The following GALNTL6 variants were observed in gnomAD, a reference collection of about 807,000 sequenced individuals.
The protein encoded by GALNTL6 is polypeptide N-acetylgalactosaminyltransferase like 6, also known as polypeptide N-acetylgalactosaminyltransferase-like 6.
A neutral mutation model predicts 73.7 loss-of-function variants in GALNTL6; 46 were observed. The ratio of observed to expected loss-of-function variants is 0.62; its 90% CI spans 0.49 to 0.80. The LOEUF (loss-of-function observed/expected upper bound fraction) is 0.80. Ranked by LOEUF, GALNTL6 falls within the 30% of genes least tolerant of loss-of-function variation. The pLI is 0.00. For missense variants in GALNTL6, 604 were observed against 755.0 expected (o/e 0.80, Z 2.34); for synonymous variants, 259 against 263.7 (o/e 0.98, Z 0.17).
intron 5 of GALNTL6, among the ~76,000 whole-genome samples, chr4:172,484,570 T>C (rs12330963): frequency 6.6e-5 from 10 of 152,168 alleles, no homozygotes; most frequent in African/African-American, 2.4e-4. Context: ...TGCTGAATAA[T>C]TGACACTGAT....
chr4:171,868,114 G>A (rs1736021117), intron 2 of GALNTL6, among the ~76,000 whole-genome samples: 1 of 151,490 alleles, frequency 6.6e-6, no homozygotes, highest in South Asian at 2.1e-4. Context: ...AGCCTCCTGA[G>A]TAGCTGGGAC....
intron 10 of GALNTL6, among the ~76,000 whole-genome samples, chr4:172,986,692 G>T (rs1751303483): frequency 6.6e-6 from 1 of 152,198 alleles, no homozygotes; most frequent in African/African-American, 2.4e-5. Context: ...AGTGATGAAG[G>T]TAAACAGATT....
At chr4:171,885,418 A>AT (rs1156256142) in intron 2 of GALNTL6, among the ~76,000 whole-genome samples, 1 of 152,152 alleles carries the variant, frequency 6.6e-6, no homozygotes, top group Non-Finnish European at 1.5e-5. Flanking sequence ...ATACAAATTC[A>AT]TTTGGGGGAC....
chr4:171,999,276 T>C lies in GALNTL6; in HGVS notation c.138+184558T>C, dbSNP rs527246525. ...TTTGAGGGCTAACACCATAATGACC[T>C]CTACAATTGCCTATGAAAAAGAAAT... is the stretch of plus-strand genomic sequence containing the variant. On this transcript the variant is annotated intron_variant, in intron 2 of 12. Transcript: ENST00000506823. 3.2e-4 allele frequency among the ~76,000 whole-genome samples: 49 copies of C among 152,300 alleles called. No individual in the cohort carries two copies. The South Asian group carries it at 9.5e-3, about 30-fold the overall frequency.
At chr4:172,073,769 C>T (rs1237741178) in intron 2 of GALNTL6, among the ~76,000 whole-genome samples, 2 of 152,186 alleles carry the variant, frequency 1.3e-5, no homozygotes, top group African/African-American at 4.8e-5. Context: ...CACTACAGTT[C>T]TCAACTACAA....
rs1466953930 is a variant in GALNTL6 at position 172,952,171 on chromosome 4, G to T, written c.1284G>T (p.Lys428Asn). ...QKELRKQLKC[K>N]DFKWFMAAVA... ...AGCTGCGCAAGCAGCTCAAGTGCAA[G>T]GACTTCAAATGGTTCATGGCTGCTG... The change falls in exon 10 of 13, where the codon AAG (lysine) becomes AAT (asparagine). Residue 428 changes from lysine to asparagine, a missense_variant. Physicochemically the swap from Lys to Asn is moderately conservative, Grantham distance 94. Around this residue, in one of 5 missense-constraint regions of GALNTL6, gnomAD observed 261 missense variants for 296.5 expected, o/e 0.88. Coordinates refer to ENST00000506823, the MANE Select transcript of GALNTL6 (RefSeq NM_001034845.3). 3 of 1,613,974 alleles carry T rather than the reference G, an allele frequency of 1.9e-6. No homozygotes were observed. Among genetic ancestry groups the T allele is most frequent in the African/African-American group, 1.3e-5 (1 of 74,892 alleles).
chr4:172,936,163 G>T (rs1748607933), intron 9 of GALNTL6, among the ~76,000 whole-genome samples: 1 of 152,142 alleles, frequency 6.6e-6, no homozygotes, highest in African/African-American at 2.4e-5. Context: ...CACATAAGCA[G>T]AACCAACGAC....
At chr4:172,871,982 G>A (rs1466679540) in intron 7 of GALNTL6, among the ~76,000 whole-genome samples, 4 of 152,120 alleles carry the variant, frequency 2.6e-5, no homozygotes, top group Admixed American at 6.5e-5. Flanking sequence ...TAGTAGAGAC[G>A]GGGTTTCACC....
At chr4:172,156,551 A>G (rs1450735198) in intron 2 of GALNTL6, among the ~76,000 whole-genome samples, 1 of 134,602 alleles carries the variant, frequency 7.4e-6, no homozygotes, top group Admixed American at 7.3e-5. Context: ...ATATATATAT[A>G]TATATATATA....
chr4:171,944,560 T>A (rs1390078347), intron 2 of GALNTL6, among the ~76,000 whole-genome samples: 2 of 152,024 alleles, frequency 1.3e-5, no homozygotes, highest in Non-Finnish European at 2.9e-5. Context: ...TCTTATGATT[T>A]GGTCAAAAGC....
intron 10 of GALNTL6, among the ~76,000 whole-genome samples, chr4:172,981,582 C>G (rs1188388629): frequency 1.3e-5 from 2 of 152,142 alleles, no homozygotes; most frequent in African/African-American, 4.8e-5. Flanking sequence ...AAGTACCATA[C>G]TGCTTTAATT....
chr4:172,727,983 G>C (rs1158178770), intron 5 of GALNTL6, among the ~76,000 whole-genome samples: 2 of 152,010 alleles, frequency 1.3e-5, no homozygotes, highest in Non-Finnish European at 2.9e-5. Context: ...CGGGATCTCA[G>C]CTCACTGCAA....
At chr4:172,532,160 A>T (rs1735190120) in intron 5 of GALNTL6, among the ~76,000 whole-genome samples, 1 of 152,148 alleles carries the variant, frequency 6.6e-6, no homozygotes, top group South Asian at 2.1e-4. Flanking sequence ...AACACCCAGT[A>T]CTCGTGAATG....
intron 5 of GALNTL6, among the ~76,000 whole-genome samples, chr4:172,682,140 A>G (rs1732663387): frequency 6.6e-6 from 1 of 152,184 alleles, no homozygotes; most frequent in African/African-American, 2.4e-5. Flanking sequence ...ATAGAACACA[A>G]AACCAAATAG....
chr4:171,903,661 C>T (rs1737180881), intron 2 of GALNTL6, among the ~76,000 whole-genome samples: 1 of 148,384 alleles, frequency 6.7e-6, no homozygotes, highest in African/African-American at 2.6e-5. Flanking sequence ...GGAGGCCTGC[C>T]TGCCTCTGGA....
chr4:172,225,054 A>G (rs1409153444), intron 2 of GALNTL6, among the ~76,000 whole-genome samples: 2 of 152,174 alleles, frequency 1.3e-5, no homozygotes, highest in Non-Finnish European at 1.5e-5. Context: ...TAAATGGCCA[A>G]CCTAATGATG....
chr4:172,854,203 C>T (rs1385463358), intron 7 of GALNTL6, among the ~76,000 whole-genome samples: 1 of 152,142 alleles, frequency 6.6e-6, no homozygotes, highest in Non-Finnish European at 1.5e-5. Context: ...TCGTTGACAC[C>T]TTCCCATCCA....
chr4:172,299,788 C>A (rs372351176), intron 3 of GALNTL6, among the ~76,000 whole-genome samples: 1 of 152,100 alleles, frequency 6.6e-6, no homozygotes, highest in South Asian at 2.1e-4. Context: ...TTACTTCCAA[C>A]TATGTGGTCA....
At chr4:172,705,690 G>A (rs1734307886) in intron 5 of GALNTL6, among the ~76,000 whole-genome samples, 1 of 151,988 alleles carries the variant, frequency 6.6e-6, no homozygotes, top group Admixed American at 6.6e-5. Context: ...TGGTGATGAT[G>A]AATTTTCTCA....
Sources: gnomAD v4.1 joint callset for allele counts (sites outside exome capture counted in the v4.1 genomes callset) on GRCh38, gnomAD v4.1.1 for gene constraint, gnomAD v4.1.1 regional missense constraint, MANE v1.5 for transcripts, NCBI Gene and HGNC (gene_info 2026-07-23, HGNC 2026-07-21) for gene names.